SLC39A12: variants seen among roughly 807,000 people sequenced by gnomAD.
SLC39A12 encodes the protein zinc transporter ZIP12.
SLC39A12 carries 63 observed loss-of-function variants against 71.1 expected under a neutral mutation model. The ratio of observed to expected loss-of-function variants is 0.89; its 90% confidence interval spans 0.72 to 1.09. The LOEUF is 1.09. Among genes scored for constraint, SLC39A12 ranks in the 50% least tolerant of loss-of-function variants. SLC39A12 has a pLI of 0.00. For synonymous variants in SLC39A12, 351 were observed against 301.3 expected (o/e 1.16, Z -1.71); for missense variants, 892 against 812.6 (o/e 1.10, Z -1.19).
chr10:17,966,464 C>T (rs1834826850), intron 4 of SLC39A12, among the ~76,000 whole-genome samples: 1 of 151,990 alleles, frequency 6.6e-6, no homozygotes, highest in Admixed American at 6.6e-5. Context: ...CTGTGTGTCA[C>T]CATGCCCAGC....
intron 12 of SLC39A12, among the ~76,000 whole-genome samples, chr10:18,033,400 T>G (rs1205250847): frequency 8.1e-5 from 12 of 148,336 alleles, no homozygotes; most frequent in Non-Finnish European, 4.4e-5. Context: ...TGTCGAGGAA[T>G]TTATCCATTT....
chr10:17,988,330 G>A (rs892007524), intron 7 of SLC39A12, among the ~76,000 whole-genome samples: 33 of 152,156 alleles, frequency 2.2e-4, no homozygotes, highest in African/African-American at 7.0e-4. Flanking sequence ...CATTCAGTTA[G>A]TTCACCCAAG....
At chr10:18,031,418 A>G (rs1836844981) in intron 12 of SLC39A12, among the ~76,000 whole-genome samples, 1 of 135,222 alleles carries the variant, frequency 7.4e-6, no homozygotes, top group African/African-American at 2.7e-5. Flanking sequence ...GCATTTTTTC[A>G]TGTGTTTTTT....
chr10:17,954,748 A>AGCCG, intron 2 of SLC39A12, among the ~76,000 whole-genome samples: 1 of 151,678 alleles, frequency 6.6e-6, no homozygotes, highest in East Asian at 1.9e-4. Flanking sequence ...GAAAGCATAC[A>AGCCG]TAAATAAGTA....
At chr10:18,036,765 TATATATATATA>T (rs1837042589) in intron 12 of SLC39A12, among the ~76,000 whole-genome samples, 6 of 15,418 alleles carry the variant, frequency 3.9e-4, no homozygotes, top group Admixed American at 6.6e-4. Flanking sequence ...TATATATATA[TATATATATATA>T]TATATATATA....
intron 7 of SLC39A12, among the ~76,000 whole-genome samples, chr10:17,988,390 TTCTC>T (rs1004279529): frequency 1.3e-5 from 2 of 152,092 alleles, no homozygotes; most frequent in African/African-American, 4.8e-5. Context: ...CTCTCTTGCT[TTCTC>T]TCTCTCATTA....
chr10:18,016,293 A>G (rs61844683), intron 12 of SLC39A12, among the ~76,000 whole-genome samples: 2 of 152,206 alleles, frequency 1.3e-5, no homozygotes, highest in Non-Finnish European at 2.9e-5. Flanking sequence ...AATTAATGAT[A>G]CAGTGTGCTG....
chr10:18,040,706 T>A (rs2130911076), intron 12 of SLC39A12, among the ~76,000 whole-genome samples: 2 of 150,068 alleles, frequency 1.3e-5, no homozygotes, highest in South Asian at 4.2e-4. Context: ...GAGGCAGAGG[T>A]TGCAGTGAGC....
chr10:18,012,306 T>G (rs1041158912), intron 12 of SLC39A12, among the ~76,000 whole-genome samples: 1 of 152,162 alleles, frequency 6.6e-6, no homozygotes, highest in Non-Finnish European at 1.5e-5. Context: ...CCTCAGAAGA[T>G]TGTTAAAAGC....
intron 4 of SLC39A12, among the ~76,000 whole-genome samples, chr10:17,968,868 T>G (rs1834898153): frequency 6.6e-6 from 1 of 152,190 alleles, no homozygotes. Flanking sequence ...AGTTATCATG[T>G]CGTGCTATCA....
Position 18,000,738 on chromosome 10 carries a change from G to T in SLC39A12, c.1672G>T (p.Ala558Ser). 1 of 1,614,132 alleles carries T rather than the reference G, an allele frequency of 6.2e-7. No individual in the cohort carries two copies. Among genetic ancestry groups the T allele is most frequent in the Non-Finnish European group, 8.5e-7 (1 of 1,180,002 alleles). ...DSLHNFADGLAIGAAFSSSSE... is the reference protein window; with the variant it reads ...DSLHNFADGLSIGAAFSSSSE... ...CCTGCATAATTTTGCAGATGGCCTAGCCATAGGAGCAGCCTTCTCATCATC... is the reference window on the plus strand; with the variant it reads ...CCTGCATAATTTTGCAGATGGCCTATCCATAGGAGCAGCCTTCTCATCATC... Residue 558 changes from alanine to serine, a missense_variant, in exon 11 of 13, where the codon GCC (alanine) becomes TCC (serine). Ala to Ser is a moderately conservative substitution (Grantham distance 99). Transcript: ENST00000377369.
chr10:17,982,929 G>A (rs113334738), intron 6 of SLC39A12, among the ~76,000 whole-genome samples: 16,281 of 151,968 alleles, frequency 0.11, 1,216 homozygotes, highest in Non-Finnish European at 0.15. Flanking sequence ...GGTGGCTCAC[G>A]TCTGTAATCC....
At chr10:18,019,515 A>G (rs1263764706) in intron 12 of SLC39A12, among the ~76,000 whole-genome samples, 1 of 152,004 alleles carries the variant, frequency 6.6e-6, no homozygotes, top group Non-Finnish European at 1.5e-5. Context: ...TCTGATATAT[A>G]TAATATCTGA....
Position 17,967,747 on chromosome 10 carries a change from C to A in SLC39A12, c.751+2057C>A, listed in dbSNP as rs537467681. On this transcript the variant is annotated intron_variant, in intron 4 of 12. Transcript: ENST00000377369. ...AAAATACAAAAAAAAATAAGCCAGG[C>A]GTGATGGCGGGCGCCTGTAGTCCCA... 6.1e-4 allele frequency among the ~76,000 whole-genome samples: 93 copies of A among 151,530 alleles called. 1 individual carries two copies. The highest frequency in any genetic ancestry group is 9.6e-4 in the Non-Finnish European group (65 of 67,824).
Position 17,959,588 on chromosome 10 carries a change from G to T in SLC39A12, c.262-1993G>T, listed in dbSNP as rs187655104. On this transcript the variant is annotated intron_variant, in intron 2 of 12. Transcript: ENST00000377369. ...CCCCACCATGGGACAAATCTGTCTG[G>T]GAGTCACGACAGGCGTTTCTCAATG... Among the ~76,000 whole-genome samples, 96 of 152,186 alleles carry T rather than the reference G, an allele frequency of 6.3e-4. 1 individual carries two copies. Among genetic ancestry groups the T allele is most frequent in the African/African-American group, 2.2e-3 (93 of 41,518 alleles).
intron 12 of SLC39A12, among the ~76,000 whole-genome samples, chr10:18,026,229 G>A (rs921771361): frequency 2.0e-5 from 3 of 152,088 alleles, no homozygotes; most frequent in Admixed American, 2.0e-4. Context: ...TTTCTCAGAA[G>A]GCATGGCTAC....
rs1455047003 is a variant in SLC39A12, at chr10:17,977,967, C to T, written c.817C>T (p.Gln273Ter). 1.3e-5 allele frequency: 21 copies of T among 1,611,828 alleles called. No individual in the cohort carries two copies. The highest frequency in any genetic ancestry group is 1.7e-5 in the Non-Finnish European group (20 of 1,179,080). ...TTGTATCAAAAATGAGAAAATCCAT[C>T]AATTTCAAAGGAAACAAAACAACAT... ...STCIKNEKIH[Q>*]FQRKQNNIIT... The change falls in exon 5 of 13, where the codon CAA becomes TAA. Residue 273 changes from glutamine to a stop codon, truncating the protein, a stop_gained. Transcript: ENST00000377369. LOFTEE classifies it high-confidence loss of function.
chr10:17,976,147 A>G (rs475853), intron 4 of SLC39A12, among the ~76,000 whole-genome samples: 21,600 of 152,056 alleles, frequency 0.14, 2,159 homozygotes, highest in East Asian at 0.33. Context: ...GGCTCACCTG[A>G]ATTTTAGTTT....
At chr10:17,961,341 A>G (rs915392127) in intron 2 of SLC39A12, among the ~76,000 whole-genome samples, 2 of 152,222 alleles carry the variant, frequency 1.3e-5, no homozygotes, top group African/African-American at 4.8e-5. Context: ...GCAACAGATC[A>G]ACAACTTGTG....
Sources: gnomAD v4.1 joint callset for allele counts (sites outside exome capture counted in the v4.1 genomes callset) on GRCh38, gnomAD v4.1.1 for gene constraint, MANE v1.5 for transcripts, NCBI Gene and HGNC (gene_info 2026-07-23, HGNC 2026-07-21) for gene names.